GLYR1: variants seen among roughly 807,000 people sequenced by gnomAD.
GLYR1 encodes the protein glyoxylate reductase 1 homolog.
A neutral mutation model predicts 72.7 loss-of-function variants in GLYR1; 21 were observed. The ratio of observed to expected loss-of-function variants is 0.29; its 90% confidence interval spans 0.20 to 0.42. The LOEUF is 0.42. Among genes scored for constraint, GLYR1 ranks in the 10% least tolerant of loss-of-function variants. The pLI is 1.00. For missense variants in GLYR1, 594 were observed against 712.1 expected, an observed-to-expected ratio of 0.83 and a Z score of 1.89; for synonymous variants, 392 against 270.2, an observed-to-expected ratio of 1.45 and a Z score of -4.42.
rs2083200798 is a variant in GLYR1 at position 4,809,505 on chromosome 16, A to G, written c.1587+1665T>C. On this transcript the variant is annotated intron_variant, in intron 15 of 15. Coordinates refer to ENST00000321919, the MANE Select transcript of GLYR1 (RefSeq NM_032569.4). ...CAGGCGCCTGCAGTCCCAGCTACTC[A>G]GGAGGGTGAGGCAGGAGAATGGAGT... is the stretch of plus-strand genomic sequence containing the variant. 2.0e-5 allele frequency among the ~76,000 whole-genome samples: 3 copies of G among 150,472 alleles called. No homozygotes were observed. The South Asian group carries it at 6.5e-4, about 32-fold the overall frequency.
chr16:4,837,071 A>G (rs2085184709), intron 3 of GLYR1, among the ~76,000 whole-genome samples: 1 of 152,228 alleles, frequency 6.6e-6, no homozygotes, highest in Non-Finnish European at 1.5e-5. Flanking sequence ...GATTACTCCA[A>G]TCAAAATGAA....
At chr16:4,835,936 T>C (rs536443572) in intron 3 of GLYR1, among the ~76,000 whole-genome samples, 1 of 152,316 alleles carries the variant, frequency 6.6e-6, no homozygotes, top group East Asian at 1.9e-4. Context: ...TACAATTTTT[T>C]CTCTAAAGGT....
intron 9 of GLYR1, chr16:4,821,172 C>T: frequency 1.7e-6 from 1 of 600,214 alleles, no homozygotes; most frequent in South Asian, 2.1e-5. Context: ...AAAAATCCCT[C>T]AGCTTATGCC....
chr16:4,825,976 T>C (rs927976124), intron 5 of GLYR1, among the ~76,000 whole-genome samples: 4 of 152,216 alleles, frequency 2.6e-5, no homozygotes, highest in Admixed American at 6.5e-5. Flanking sequence ...TTTTACAGAA[T>C]AGAAAACTAA....
intron 9 of GLYR1, among the ~76,000 whole-genome samples, chr16:4,819,199 G>C (rs369340805): frequency 2.3e-3 from 328 of 139,732 alleles, no homozygotes; most frequent in African/African-American, 0.011. Context: ...AAAGAGAGAT[G>C]GGGGGGTCTT....
rs2082868523 is a variant in GLYR1, at chr16:4,804,660, T to A, written c.*576A>T. The A allele has an allele frequency of 6.3e-5, 10 of 157,720 alleles. No individual in the cohort carries two copies. In the South Asian group the frequency reaches 1.8e-3, roughly 29 times the overall value. The allele number at this position is 157,720 out of a possible 1,614,324, so 9.8% of individuals were successfully genotyped here. ...GGACGCTTAGACGTGAACATCTTTC[T>A]CAGCTCATCACCTGAGGTTGGAGGG... On this transcript the variant is annotated 3_prime_UTR_variant, in exon 16 of 16. Coordinates refer to ENST00000321919, the MANE Select transcript of GLYR1 (RefSeq NM_032569.4).
chr16:4,812,945 C>T (rs571071844), intron 12 of GLYR1, among the ~76,000 whole-genome samples: 21 of 151,558 alleles, frequency 1.4e-4, no homozygotes, highest in African/African-American at 4.4e-4. Context: ...TACAGGCAAC[C>T]GCCACCATGC....
Position 4,845,174 on chromosome 16 carries a change from A to G in GLYR1, c.76-21T>C, listed in dbSNP as rs771068735. 10 of 1,598,758 alleles carry G rather than the reference A, an allele frequency of 6.3e-6. No individual in the cohort carries two copies. The East Asian group carries it at 6.7e-5, about 11-fold the overall frequency. ...ACAATCTGGAGGATAAAAGGGGGGA[A>G]AAAGGTTGGCTGGCAACACAGCAGC... On this transcript the variant is annotated intron_variant, in intron 2 of 15. Coordinates refer to ENST00000321919, the MANE Select transcript of GLYR1 (RefSeq NM_032569.4).
At chr16:4,807,561 A>T (rs2083063465) in intron 15 of GLYR1, among the ~76,000 whole-genome samples, 1 of 152,216 alleles carries the variant, frequency 6.6e-6, no homozygotes. Flanking sequence ...TAACCTTCAG[A>T]ACCTAACCTC....
intron 14 of GLYR1, 102 bp from the exon 15 acceptor site, chr16:4,811,396 G>C (rs2141953011): frequency 6.6e-7 from 1 of 1,504,498 alleles, no homozygotes; most frequent in East Asian, 2.3e-5. Context: ...TCAGGGCTCA[G>C]TTCCACATAG....
chr16:4,817,491 C>G, intron 10 of GLYR1, 107 bp downstream of exon 10: 1 of 692,346 alleles, frequency 1.4e-6, no homozygotes, highest in Non-Finnish European at 2.6e-6. Context: ...AAAAGCTTGG[C>G]TTCTATTCTA....
At chr16:4,837,560 A>G (rs1267209982) in intron 3 of GLYR1, among the ~76,000 whole-genome samples, 1 of 152,170 alleles carries the variant, frequency 6.6e-6, no homozygotes, top group African/African-American at 2.4e-5. Context: ...GAAGCCGTGA[A>G]GCTAAGAGAA....
intron 9 of GLYR1, 145 bp from the exon 10 acceptor site, chr16:4,817,842 G>T (rs946935749): frequency 1.6e-6 from 1 of 640,588 alleles, no homozygotes; most frequent in African/African-American, 1.8e-5. Context: ...CAATCTACCT[G>T]CAGAGCCAGG....
chr16:4,808,102 G>A (rs889078178), intron 15 of GLYR1, among the ~76,000 whole-genome samples: 10 of 152,012 alleles, frequency 6.6e-5, no homozygotes, highest in African/African-American at 1.7e-4. Flanking sequence ...CAAGTGTGGC[G>A]GTGCATGCCT....
intron 3 of GLYR1, chr16:4,843,769 A>G (rs534102059): frequency 4.2e-5 from 21 of 502,022 alleles, no homozygotes; most frequent in South Asian, 2.4e-4. Context: ...GTATTTTCCT[A>G]TAAGAATAAT....
intron 3 of GLYR1, among the ~76,000 whole-genome samples, chr16:4,840,716 AGAG>A (rs1258526128): frequency 6.6e-6 from 1 of 152,206 alleles, no homozygotes; most frequent in Non-Finnish European, 1.5e-5. Flanking sequence ...CCCCTTATGT[AGAG>A]GACACAGAGG....
intron 10 of GLYR1, among the ~76,000 whole-genome samples, chr16:4,817,301 A>C (rs929739482): frequency 1.3e-5 from 2 of 151,714 alleles, no homozygotes; most frequent in African/African-American, 4.8e-5. Context: ...TTGTATTTTA[A>C]GTAGAGACGG....
At chr16:4,838,156 C>G (rs1056675267) in intron 3 of GLYR1, among the ~76,000 whole-genome samples, 1 of 151,970 alleles carries the variant, frequency 6.6e-6, no homozygotes, top group Non-Finnish European at 1.5e-5. Context: ...GAAATAAAGG[C>G]ACCAGAAAAA....
intron 3 of GLYR1, 30 bp from the exon 4 acceptor site, chr16:4,832,942 G>A: frequency 1.3e-6 from 2 of 1,597,168 alleles, no homozygotes; most frequent in South Asian, 1.1e-5. Context: ...AAAAGGGTGT[G>A]AACCATATAG....
Sources: gnomAD v4.1 joint callset for allele counts (sites outside exome capture counted in the v4.1 genomes callset) on GRCh38, gnomAD v4.1.1 for gene constraint, MANE v1.5 for transcripts, NCBI Gene and HGNC (gene_info 2026-07-23, HGNC 2026-07-21) for gene names.